Variants in MAP4K4 observed in about 807,000 individuals in gnomAD.
The protein encoded by MAP4K4 is mitogen-activated protein kinase kinase kinase kinase 4, also known as HPK/GCK-like kinase HGK.
MAP4K4 carries 38 observed loss-of-function variants against 189.6 expected under a neutral mutation model. The ratio of observed to expected loss-of-function variants is 0.20; its 90% CI spans 0.15 to 0.26. MAP4K4 has a LOEUF of 0.26. Among genes scored for constraint, MAP4K4 ranks in the 10% least tolerant of loss-of-function variants. MAP4K4 has a pLI of 1.00. For synonymous variants in MAP4K4, 610 were observed against 624.3 expected, an observed-to-expected ratio of 0.98 and a Z score of 0.34; for missense variants, 1,054 against 1,726.9, an observed-to-expected ratio of 0.61 and a Z score of 6.91.
At chr2:101,739,724 A>G (rs2061820706) in intron 2 of MAP4K4, among the ~76,000 whole-genome samples, 1 of 152,258 alleles carries the variant, frequency 6.6e-6, no homozygotes, top group Admixed American at 6.5e-5. Flanking sequence ...ATTCAACTCC[A>G]GAAATGAATT....
exon 1 of MAP4K4, chr2:101,698,113 G>T (rs1431739756): frequency 6.2e-6 from 8 of 1,290,606 alleles, no homozygotes; most frequent in African/African-American, 1.6e-5. Context: ...AAAGTCTGGT[G>T]GACATCGACC....
intron 27 of MAP4K4, among the ~76,000 whole-genome samples, chr2:101,878,379 C>T (rs2098275921): frequency 6.6e-6 from 1 of 152,212 alleles, no homozygotes; most frequent in South Asian, 2.1e-4. Flanking sequence ...ATCTACCTGT[C>T]CATGGCAACC....
chr2:101,723,431 A>G (rs2053397600), intron 2 of MAP4K4, among the ~76,000 whole-genome samples: 1 of 152,236 alleles, frequency 6.6e-6, no homozygotes. Context: ...TAGGCTTTGG[A>G]TAAGCAGAGA....
intron 6 of MAP4K4, among the ~76,000 whole-genome samples, chr2:101,830,194 G>A (rs911686377): frequency 5.9e-5 from 9 of 151,884 alleles, no homozygotes; most frequent in African/African-American, 2.2e-4. Flanking sequence ...GTATAGTTAT[G>A]TGATTGTTTT....
intron 7 of MAP4K4, 106 bp downstream of exon 7, chr2:101,831,957 G>A (rs2096606092): frequency 7.5e-7 from 1 of 1,340,564 alleles, no homozygotes. Flanking sequence ...CCTTTTCAGG[G>A]AGGAAGACCT....
chr2:101,730,930 C>G lies in MAP4K4; in HGVS notation c.123+32392C>G, dbSNP rs1017817769. Among the ~76,000 whole-genome samples, 10 of 151,558 alleles carry G rather than the reference C, an allele frequency of 6.6e-5. 1 individual carries two copies. The highest frequency in any genetic ancestry group is 9.7e-5 in the African/African-American group (4 of 41,374). On this transcript the variant is annotated intron_variant, in intron 2 of 32. Coordinates refer to ENST00000324219, the Ensembl canonical transcript of MAP4K4. Reference sequence around the variant, plus strand: ...GGCACGATGGCGGGCACCTGTAGTCCCAACTACTCGGGAGCCTGCGCAGGA... The same window carrying G: ...GGCACGATGGCGGGCACCTGTAGTCGCAACTACTCGGGAGCCTGCGCAGGA...
At chr2:101,752,355 T>TA (rs1216123579) in intron 2 of MAP4K4, among the ~76,000 whole-genome samples, 2 of 152,206 alleles carry the variant, frequency 1.3e-5, no homozygotes, top group East Asian at 1.9e-4. Flanking sequence ...GCTTGTCTCT[T>TA]ACGGAGTGCT....
chr2:101,838,542 T>C (rs1485380994), intron 9 of MAP4K4, among the ~76,000 whole-genome samples: 2 of 152,220 alleles, frequency 1.3e-5, no homozygotes, highest in Non-Finnish European at 2.9e-5. Flanking sequence ...GAATGTTGTC[T>C]TCTCTGTCCT....
intron 2 of MAP4K4, among the ~76,000 whole-genome samples, chr2:101,705,543 G>T (rs76736098): frequency 0.064 from 9,738 of 152,142 alleles, 379 homozygotes; most frequent in East Asian, 0.11. Context: ...GAAATGAAAA[G>T]GTAGACATAT....
chr2:101,863,569 A>C (rs113698139), intron 16 of MAP4K4, among the ~76,000 whole-genome samples: 4 of 152,136 alleles, frequency 2.6e-5, no homozygotes, highest in African/African-American at 9.7e-5. Context: ...ATTAACTGCT[A>C]TCTGTAATGT....
In MAP4K4 at chr2:101,730,548, A is replaced by G. The variant is rs1329985035; in HGVS notation, c.123+32010A>G. 2.0e-5 allele frequency among the ~76,000 whole-genome samples: 3 copies of G among 152,302 alleles called. No homozygotes were observed. The East Asian group carries it at 5.8e-4, about 29-fold the overall frequency. On this transcript the variant is annotated intron_variant, in intron 2 of 32. Transcript: ENST00000324219. ...CTATTGTCCCGTGGGTCTCTATTAC[A>G]GACACCAGGTCACTAACTCCAGAGC...
intron 2 of MAP4K4, among the ~76,000 whole-genome samples, chr2:101,734,098 A>G (rs1465484220): frequency 6.6e-6 from 1 of 152,204 alleles, no homozygotes; most frequent in African/African-American, 2.4e-5. Context: ...TACTGACACT[A>G]TTGATAGAAA....
intron 3 of MAP4K4, among the ~76,000 whole-genome samples, chr2:101,804,433 T>C (rs1037632408): frequency 4.6e-5 from 7 of 152,126 alleles, no homozygotes; most frequent in African/African-American, 1.7e-4. Context: ...CAAGTCTGAG[T>C]GCAAATTCTG....
intron 3 of MAP4K4, among the ~76,000 whole-genome samples, chr2:101,818,451 G>A (rs1364525591): frequency 6.6e-6 from 1 of 152,020 alleles, no homozygotes; most frequent in Non-Finnish European, 1.5e-5. Flanking sequence ...CATTTCACCT[G>A]GCAAATGCTC....
chr2:101,866,032 A>T (rs1453203917), intron 18 of MAP4K4, among the ~76,000 whole-genome samples: 5 of 152,228 alleles, frequency 3.3e-5, no homozygotes, highest in Non-Finnish European at 7.3e-5. Flanking sequence ...TGAGAACAGT[A>T]ACAGGCAGGT....
intron 31 of MAP4K4, 135 bp from the exon 32 acceptor site, chr2:101,888,661 T>C: frequency 1.6e-6 from 1 of 626,054 alleles, no homozygotes; most frequent in Non-Finnish European, 2.4e-6. Context: ...AAACAAATCC[T>C]TAAATGCTAG....
intron 2 of MAP4K4, among the ~76,000 whole-genome samples, chr2:101,763,644 A>G (rs1305498997): frequency 6.6e-6 from 1 of 152,224 alleles, no homozygotes; most frequent in Admixed American, 6.5e-5. Flanking sequence ...TAAATATGCC[A>G]GGAGTGCTGG....
At chr2:101,800,270 A>G (rs1437475893) in intron 3 of MAP4K4, among the ~76,000 whole-genome samples, 2 of 152,042 alleles carry the variant, frequency 1.3e-5, no homozygotes, top group Non-Finnish European at 2.9e-5. Flanking sequence ...ACTGGGACTA[A>G]AATTTTTTGT....
chr2:101,875,365 ATTT>A (rs74794907), intron 26 of MAP4K4, among the ~76,000 whole-genome samples: 1 of 145,954 alleles, frequency 6.9e-6, no homozygotes, highest in Admixed American at 6.9e-5. Flanking sequence ...GTTGTACAGC[ATTT>A]TTTTTTTTTT....
Sources: gnomAD v4.1 joint callset for allele counts (sites outside exome capture counted in the v4.1 genomes callset) on GRCh38, gnomAD v4.1.1 for gene constraint, MANE v1.5 for transcripts, NCBI Gene and HGNC (gene_info 2026-07-23, HGNC 2026-07-21) for gene names.